Variants in XRCC5 observed in about 807,000 individuals in gnomAD.
XRCC5 encodes the protein X-ray repair cross complementing 5, also known as DNA repair protein Ku80.
XRCC5 carries 12 observed loss-of-function variants against 95.7 expected under a neutral mutation model. The ratio of observed to expected loss-of-function variants is 0.13; its 90% CI spans 0.08 to 0.20. XRCC5 has a LOEUF of 0.20. Ranked by LOEUF, XRCC5 falls within the 10% of genes least tolerant of loss-of-function variation. XRCC5 has a pLI of 1.00. For synonymous variants in XRCC5, 281 were observed against 290.3 expected (o/e 0.97, Z 0.33); for missense variants, 595 against 873.9 (o/e 0.68, Z 4.02).
At chr2:216,117,243 GT>G in intron 3 of XRCC5, 1 of 185,184 alleles carries the variant, frequency 5.4e-6, no homozygotes, top group South Asian at 1.4e-4. Context: ...GATGGAAGAT[GT>G]TTTTGTGCCA....
rs193006876 is a variant in XRCC5, at chr2:216,130,779, G to A, written c.938-96G>A. On this transcript the variant is annotated intron_variant, in intron 8 of 20. Transcript: ENST00000392132. ...ATAGAAGATGGAGGCTTGCTCTGGC[G>A]TGTGCGTGTGTTGTTAATGTATGCA... is the stretch of plus-strand genomic sequence containing the variant. 7.4e-4 allele frequency: 513 copies of A among 695,682 alleles called. No homozygotes were observed. The Middle Eastern group carries it at 9.3e-3, about 13-fold the overall frequency. 43.1% of individuals were successfully genotyped at this position (695,682 alleles called of 1,614,324 possible).
At chr2:216,156,642 G>T in intron 14 of XRCC5, 1 of 556,362 alleles carries the variant, frequency 1.8e-6, no homozygotes, top group South Asian at 1.4e-5. Context: ...TACATATAGT[G>T]ACCCCAAATG....
At chr2:216,122,857 GTATAAC>G (rs1696835586) in intron 6 of XRCC5, among the ~76,000 whole-genome samples, 3 of 151,996 alleles carry the variant, frequency 2.0e-5, no homozygotes, top group Non-Finnish European at 4.4e-5. Flanking sequence ...TTGAAGTACC[GTATAAC>G]AATAAAGCAA....
At chr2:216,110,447 C>CT (rs1483330234) in intron 1 of XRCC5, 2 of 152,170 alleles carry the variant, frequency 1.3e-5, no homozygotes, top group African/African-American at 2.4e-5. Context: ...CACTCACCTC[C>CT]TTTTTTCGTC....
chr2:216,147,485 G>C (rs1370891194), intron 13 of XRCC5, among the ~76,000 whole-genome samples: 1 of 152,204 alleles, frequency 6.6e-6, no homozygotes, highest in African/African-American at 2.4e-5. Context: ...TGAGGTGATA[G>C]GGCTTGGGCA....
intron 16 of XRCC5, among the ~76,000 whole-genome samples, chr2:216,162,317 C>G (rs1043727590): frequency 9.9e-5 from 15 of 152,174 alleles, no homozygotes; most frequent in African/African-American, 2.7e-4. Flanking sequence ...TATAGCTCCA[C>G]TTCATTGAAG....
intron 16 of XRCC5, among the ~76,000 whole-genome samples, chr2:216,170,475 C>T (rs1449335865): frequency 7.1e-6 from 1 of 141,118 alleles, no homozygotes. Flanking sequence ...CTCCTGATAC[C>T]AGTCTTCTAT....
At chr2:216,114,138 TA>T (rs1157097349) in intron 2 of XRCC5, among the ~76,000 whole-genome samples, 2 of 152,160 alleles carry the variant, frequency 1.3e-5, no homozygotes, top group African/African-American at 4.8e-5. Context: ...TTAATGTAGA[TA>T]AAGTGCTTAG....
In XRCC5 at chr2:216,109,372, A is replaced by G; in HGVS notation, c.-65A>G. 6.2e-7 allele frequency: 1 copy of G among 1,612,078 alleles called. No homozygotes were observed. Among genetic ancestry groups the G allele is most frequent in the African/African-American group, 1.3e-5 (1 of 75,004 alleles). ...CGCTATCTGCCGCTTGTCCACCGGA[A>G]GCGAGTTGCGACACGGCAGGTTCCC... On this transcript the variant is annotated 5_prime_UTR_variant, in exon 1 of 21. Coordinates refer to ENST00000392132, the MANE Select transcript of XRCC5 (RefSeq NM_021141.4).
intron 2 of XRCC5, among the ~76,000 whole-genome samples, chr2:216,116,385 G>C (rs964952554): frequency 6.6e-6 from 1 of 151,754 alleles, no homozygotes; most frequent in Non-Finnish European, 1.5e-5. Context: ...GTTTGATTTC[G>C]CTGGAAATCA....
intron 12 of XRCC5, 38 bp downstream of exon 12, chr2:216,138,217 C>A: frequency 6.4e-7 from 1 of 1,561,728 alleles, no homozygotes; most frequent in South Asian, 1.1e-5. Context: ...ATTGACTACA[C>A]ACACTGTTCT....
At chr2:216,193,527 A>C (rs1381989989) in intron 18 of XRCC5, among the ~76,000 whole-genome samples, 2 of 152,244 alleles carry the variant, frequency 1.3e-5, no homozygotes, top group African/African-American at 4.8e-5. Flanking sequence ...GCAACTCTTC[A>C]TCACACAGGT....
chr2:216,162,348 A>G (rs1282589946), intron 16 of XRCC5, among the ~76,000 whole-genome samples: 1 of 152,020 alleles, frequency 6.6e-6, no homozygotes, highest in Non-Finnish European at 1.5e-5. Flanking sequence ...TTTTGTCGTG[A>G]GCTATAAATA....
chr2:216,176,735 CCTT>C lies in XRCC5; in HGVS notation c.1835-13483_1835-13481del, dbSNP rs34872444. 4.2e-3 allele frequency among the ~76,000 whole-genome samples: 646 copies of C among 152,126 alleles called. 1 individual carries two copies. Among genetic ancestry groups the C allele is most frequent in the African/African-American group, 0.015 (624 of 41,504 alleles). ...CTGCTCTGATCTTTATTATTCCATT[CCTT>C]CTTCTTACTTTGGCTGTAATTCACT... On this transcript the variant is annotated intron_variant, in intron 16 of 20. Coordinates refer to ENST00000392132, the MANE Select transcript of XRCC5 (RefSeq NM_021141.4).
intron 14 of XRCC5, among the ~76,000 whole-genome samples, chr2:216,157,031 C>T (rs905912338): frequency 6.6e-6 from 1 of 152,142 alleles, no homozygotes; most frequent in African/African-American, 2.4e-5. Context: ...CAGCAGGGAT[C>T]AGCCGAGAGC....
intron 16 of XRCC5, among the ~76,000 whole-genome samples, chr2:216,170,635 G>C (rs1293268646): frequency 6.6e-6 from 1 of 152,178 alleles, no homozygotes; most frequent in South Asian, 2.1e-4. Context: ...ATTTGGGCGG[G>C]ACACAAATCC....
chr2:216,132,796 C>T (rs1358112093), intron 10 of XRCC5, among the ~76,000 whole-genome samples: 12 of 152,126 alleles, frequency 7.9e-5, no homozygotes. Flanking sequence ...TTCCTGCCTC[C>T]CCAAGATACT....
intron 2 of XRCC5, among the ~76,000 whole-genome samples, chr2:216,114,812 TG>T (rs1696655074): frequency 6.6e-6 from 1 of 152,166 alleles, no homozygotes; most frequent in Non-Finnish European, 1.5e-5. Flanking sequence ...GTATAAAAGC[TG>T]CCTCTGGGGG....
intron 8 of XRCC5, chr2:216,130,618 C>G (rs967471190): frequency 3.2e-6 from 1 of 311,334 alleles, no homozygotes; most frequent in Non-Finnish European, 5.8e-6. Context: ...AATCATTGAG[C>G]TAACTAGATT....
Sources: allele counts gnomAD v4.1 joint callset (sites outside exome capture counted in the v4.1 genomes callset), GRCh38; gene constraint gnomAD v4.1.1; transcripts MANE v1.5; gene names NCBI Gene and HGNC (gene_info 2026-07-23, HGNC 2026-07-21).